Variants in RASGRP3 observed in about 807,000 individuals in gnomAD.
RASGRP3 encodes the protein RAS guanyl releasing protein 3.
Under a neutral mutation model 82.7 loss-of-function variants are expected in RASGRP3, and 54 were observed. The observed-to-expected ratio is 0.65, with a 90% CI of 0.52 to 0.82. RASGRP3 has a LOEUF of 0.82. Ranked by LOEUF, RASGRP3 falls within the 40% of genes least tolerant of loss-of-function variation. The pLI is 0.00. For synonymous variants in RASGRP3, 309 were observed against 300.5 expected, an observed-to-expected ratio of 1.03 and a Z score of -0.29; for missense variants, 861 against 828.9, an observed-to-expected ratio of 1.04 and a Z score of -0.48.
chr2:33,473,433 T>C (rs1378551852), upstream of RASGRP3, among the ~76,000 whole-genome samples: 5 of 151,078 alleles, frequency 3.3e-5, no homozygotes, highest in Non-Finnish European at 7.4e-5. Flanking sequence ...ATAAAGACAA[T>C]GTGAGAACGT....
chr2:33,477,878 T>C (rs17013089), intron 1 of RASGRP3, among the ~76,000 whole-genome samples: 4,198 of 152,256 alleles, frequency 0.028, 180 homozygotes, highest in African/African-American at 0.096. Flanking sequence ...GCTGTTTTTA[T>C]TTGAAGTCTC....
chr2:33,547,781 T>C (rs1209693461), intron 13 of RASGRP3, among the ~76,000 whole-genome samples: 1 of 152,012 alleles, frequency 6.6e-6, no homozygotes, highest in South Asian at 2.1e-4. Flanking sequence ...GCCTCCTACA[T>C]GCAGGCATTG....
intron 1 of RASGRP3, among the ~76,000 whole-genome samples, chr2:33,486,392 T>C (rs1668383849): frequency 6.6e-6 from 1 of 152,160 alleles, no homozygotes; most frequent in Non-Finnish European, 1.5e-5. Flanking sequence ...GGTCTTGAAC[T>C]CCTGACCTCA....
At chr2:33,480,861 G>C (rs566806739) in intron 1 of RASGRP3, among the ~76,000 whole-genome samples, 87 of 152,228 alleles carry the variant, frequency 5.7e-4, no homozygotes, top group African/African-American at 2.1e-3. Context: ...GATTATTATA[G>C]CTTCAGAGTC....
chr2:33,558,882 A>C lies in RASGRP3; in HGVS notation c.1916A>C (p.Lys639Thr). ...GSHTFPKMKS[K>T]FHDKAAKDKG... ...CACACCTTCCCTAAAATGAAATCCAAGTTCCATGACAAAGCAGCAAAGGAC... is the reference window on the plus strand; with the variant it reads ...CACACCTTCCCTAAAATGAAATCCACGTTCCATGACAAAGCAGCAAAGGAC... The change falls in exon 17 of 18, where the codon AAG becomes ACG. Residue 639 changes from lysine (K) to threonine (T), a missense_variant. By Grantham distance (78) the Lys-to-Thr change is moderately conservative. Transcript: ENST00000403687. 6.2e-7 allele frequency: 1 copy of C among 1,614,020 alleles called. No individual in the cohort carries two copies. The highest frequency in any genetic ancestry group is 8.5e-7 in the Non-Finnish European group (1 of 1,179,896).
intron 17 of RASGRP3, among the ~76,000 whole-genome samples, chr2:33,559,386 G>T (rs1339957655): frequency 6.6e-6 from 1 of 152,108 alleles, no homozygotes; most frequent in Admixed American, 6.5e-5. Flanking sequence ...TAGAACCAGG[G>T]CCCAGACTCA....
At chr2:33,546,320 G>A (rs1674742599) in intron 13 of RASGRP3, among the ~76,000 whole-genome samples, 1 of 151,816 alleles carries the variant, frequency 6.6e-6, no homozygotes, top group Non-Finnish European at 1.5e-5. Context: ...CTACTCGGGA[G>A]GCTGAGGCAG....
chr2:33,560,242 C>A (rs1574512959), intron 17 of RASGRP3, among the ~76,000 whole-genome samples: 1 of 152,126 alleles, frequency 6.6e-6, no homozygotes, highest in East Asian at 1.9e-4. Flanking sequence ...CCCAACTCAC[C>A]CCAGCCAACT....
chr2:33,482,323 G>T (rs900135540), intron 1 of RASGRP3: 4 of 152,174 alleles, frequency 2.6e-5, no homozygotes, highest in Non-Finnish European at 4.4e-5. Context: ...CGCAGCTTAG[G>T]GTAATGTTTT....
chr2:33,476,225 AAC>A (rs2150924554), upstream of RASGRP3: 1 of 152,328 alleles, frequency 6.6e-6, no homozygotes, highest in South Asian at 2.1e-4. Context: ...CTCCGGGGTT[AAC>A]ACAGAGCAAC....
chr2:33,560,906 T>A (rs1383723640), intron 17 of RASGRP3, among the ~76,000 whole-genome samples: 1 of 152,222 alleles, frequency 6.6e-6, no homozygotes, highest in African/African-American at 2.4e-5. Context: ...GCCTGTTGGG[T>A]GTAAGACAAT....
At chr2:33,484,994 T>C (rs1438265130) in intron 1 of RASGRP3, among the ~76,000 whole-genome samples, 3 of 151,716 alleles carry the variant, frequency 2.0e-5, no homozygotes, top group Non-Finnish European at 4.4e-5. Context: ...AGGTCGGGAG[T>C]TTGAGAACAG....
chr2:33,476,632 T>C (rs1667393933), upstream of RASGRP3: 1 of 152,202 alleles, frequency 6.6e-6, no homozygotes, highest in South Asian at 2.1e-4. Flanking sequence ...AAACAGCTGC[T>C]CTCGGCGTGC....
At chr2:33,477,340 T>C (rs1031796117) in intron 1 of RASGRP3, among the ~76,000 whole-genome samples, 1 of 151,934 alleles carries the variant, frequency 6.6e-6, no homozygotes, top group African/African-American at 2.4e-5. Flanking sequence ...TATAGCGACT[T>C]TTTTTCCCCC....
chr2:33,542,072 C>A (rs1027734118), intron 12 of RASGRP3, among the ~76,000 whole-genome samples: 1 of 146,434 alleles, frequency 6.8e-6, no homozygotes, highest in African/African-American at 2.4e-5. Flanking sequence ...TGCCACTGCA[C>A]TGTAGCCTGG....
chr2:33,452,427 A>G (rs577924443), intron 2 of RASGRP3, among the ~76,000 whole-genome samples: 254 of 152,352 alleles, frequency 1.7e-3, no homozygotes, highest in Non-Finnish European at 2.6e-3. Context: ...ATCTGAGGGC[A>G]GACTTGCTCC....
intron 1 of RASGRP3, among the ~76,000 whole-genome samples, chr2:33,488,313 G>A (rs974947023): frequency 1.3e-5 from 2 of 152,204 alleles, no homozygotes; most frequent in Non-Finnish European, 1.5e-5. Flanking sequence ...GTAACTGACA[G>A]AGCTGGTACT....
intron 13 of RASGRP3, among the ~76,000 whole-genome samples, chr2:33,548,460 G>A (rs1675042800): frequency 6.6e-6 from 1 of 151,814 alleles, no homozygotes; most frequent in Non-Finnish European, 1.5e-5. Flanking sequence ...GGAAAGTCCT[G>A]AGCGTATTTG....
At chr2:33,461,823 A>G (rs756492734) in intron 2 of RASGRP3, among the ~76,000 whole-genome samples, 7 of 152,234 alleles carry the variant, frequency 4.6e-5, no homozygotes, top group Non-Finnish European at 7.3e-5. Context: ...TCATGGTGCT[A>G]TTTAAGAAAT....
Sources: gnomAD v4.1 joint callset for allele counts (sites outside exome capture counted in the v4.1 genomes callset) on GRCh38, gnomAD v4.1.1 for gene constraint, MANE v1.5 for transcripts, NCBI Gene and HGNC (gene_info 2026-07-23, HGNC 2026-07-21) for gene names.